The following RHOBTB2 variants were observed in gnomAD, a reference collection of about 807,000 sequenced individuals.
The protein encoded by RHOBTB2 is Rho related BTB domain containing 2.
Under a neutral mutation model 66.5 loss-of-function variants are expected in RHOBTB2, and 39 were observed. The ratio of observed to expected loss-of-function variants is 0.59; its 90% CI spans 0.45 to 0.77. The LOEUF (loss-of-function observed/expected upper bound fraction) is 0.77, where lower values mean the gene tolerates loss of function less well. Ranked by LOEUF, RHOBTB2 falls within the 30% of genes least tolerant of loss-of-function variation. The pLI is 0.00. For missense variants in RHOBTB2, 755 were observed against 999.1 expected (o/e 0.76, Z 3.29); for synonymous variants, 390 against 395.0 (o/e 0.99, Z 0.15).
At chr8:22,998,067 AT>A (rs965998615), upstream of RHOBTB2, among the ~76,000 whole-genome samples, 2 of 152,182 alleles carry the variant, frequency 1.3e-5, no homozygotes, top group African/African-American at 4.8e-5. Flanking sequence ...CTCTGAGTAG[AT>A]TGAGAAAGGG....
chr8:22,990,673 T>C lies in RHOBTB2; in HGVS notation c.-136-1395T>C, dbSNP rs148080130. Reference sequence around the variant, plus strand: ...CCTAGAGTGAATGTTTCCAGGCAAGTGGTAAGCCACAGACAACCAGAAGGT... The same window carrying C: ...CCTAGAGTGAATGTTTCCAGGCAAGCGGTAAGCCACAGACAACCAGAAGGT... On this transcript the variant is annotated intron_variant, in intron 1 of 11. Coordinates refer to the RHOBTB2 transcript ENST00000519685. 2.2e-4 allele frequency among the ~76,000 whole-genome samples: 34 copies of C among 152,136 alleles called. 1 individual carries two copies. The East Asian group carries it at 6.4e-3, about 29-fold the overall frequency.
the RHOBTB2 span, among the ~76,000 whole-genome samples, chr8:22,977,665 C>A: frequency 6.6e-6 from 1 of 151,456 alleles, no homozygotes; most frequent in African/African-American, 2.4e-5. Flanking sequence ...CTGGTTAATT[C>A]CATCATGGTA....
upstream of RHOBTB2, chr8:22,994,780 T>C (rs894446357): frequency 3.0e-6 from 2 of 660,916 alleles, no homozygotes; most frequent in Non-Finnish European, 5.3e-6. Flanking sequence ...ACCTTTCTTT[T>C]TGAGACAGAG....
chr8:22,960,708 A>G, the RHOBTB2 span, among the ~76,000 whole-genome samples: 1 of 152,186 alleles, frequency 6.6e-6, no homozygotes, highest in African/African-American at 2.4e-5. Context: ...AATCAATAAA[A>G]CTTTGTGATT....
At chr8:22,955,861 T>C in the RHOBTB2 span, among the ~76,000 whole-genome samples, 4 of 152,156 alleles carry the variant, frequency 2.6e-5, no homozygotes, top group Non-Finnish European at 5.9e-5. Flanking sequence ...TGAGCCACTG[T>C]ACCCAGACAC....
the RHOBTB2 span, among the ~76,000 whole-genome samples, chr8:22,970,779 C>A: frequency 6.6e-6 from 1 of 151,966 alleles, no homozygotes; most frequent in Admixed American, 6.6e-5. Context: ...TTTTAAAAAC[C>A]CATCAGTCTC....
the RHOBTB2 span, among the ~76,000 whole-genome samples, chr8:22,965,161 C>T: frequency 3.3e-5 from 5 of 152,088 alleles, no homozygotes; most frequent in African/African-American, 9.7e-5. Flanking sequence ...AATTTGAATC[C>T]ATATTTATTG....
the RHOBTB2 span, among the ~76,000 whole-genome samples, chr8:22,950,919 T>C: frequency 2.0e-5 from 3 of 152,218 alleles, no homozygotes; most frequent in Non-Finnish European, 4.4e-5. Flanking sequence ...CTTTTCCTAT[T>C]GGCACAACTG....
the RHOBTB2 span, among the ~76,000 whole-genome samples, chr8:22,971,977 T>G: frequency 3.3e-5 from 5 of 152,238 alleles, no homozygotes; most frequent in African/African-American, 1.2e-4. Context: ...TGGATGTGTC[T>G]CAGGCCCCTT....
the RHOBTB2 span, among the ~76,000 whole-genome samples, chr8:22,980,291 CAGA>C: frequency 6.6e-6 from 1 of 152,110 alleles, no homozygotes; most frequent in African/African-American, 2.4e-5. Context: ...TCCTACTAAG[CAGA>C]AGGAGTATTA....
the RHOBTB2 span, among the ~76,000 whole-genome samples, chr8:22,960,557 G>A: frequency 6.6e-6 from 1 of 152,114 alleles, no homozygotes. Flanking sequence ...GACCTCAAAT[G>A]ATCCACTCAC....
the RHOBTB2 span, among the ~76,000 whole-genome samples, chr8:22,960,167 A>G: frequency 4.8e-4 from 72 of 149,754 alleles, no homozygotes; most frequent in African/African-American, 1.7e-3. Flanking sequence ...TGGGCGACAG[A>G]GTGAGACTCC....
the RHOBTB2 span, among the ~76,000 whole-genome samples, chr8:22,964,386 T>C: frequency 6.6e-6 from 1 of 152,302 alleles, no homozygotes; most frequent in East Asian, 1.9e-4. Context: ...GCAGACCATG[T>C]TCTGTGGGGC....
At position 23,019,895 on chromosome 8, in the gene RHOBTB2, G is replaced by A. The variant is rs1811445802; in HGVS notation, c.*2426G>A. 2 of 210,074 alleles carry A rather than the reference G, an allele frequency of 9.5e-6. No individual in the cohort carries two copies. The highest frequency in any genetic ancestry group is 1.1e-4 in the Admixed American group (2 of 18,912). 13.0% of individuals were successfully genotyped at this position (210,074 alleles called of 1,614,324 possible). On this transcript the variant is annotated 3_prime_UTR_variant, in exon 10 of 10. Transcript: ENST00000251822. ...CAACATTGGTGTCCCTGTCCCCAGAGGGAGGAGCAGGCAGGAGAGAGAGGG... is the reference window on the plus strand; with the variant it reads ...CAACATTGGTGTCCCTGTCCCCAGAAGGAGGAGCAGGCAGGAGAGAGAGGG...
At chr8:22,981,271 G>T in the RHOBTB2 span, among the ~76,000 whole-genome samples, 1 of 152,206 alleles carries the variant, frequency 6.6e-6, no homozygotes, top group African/African-American at 2.4e-5. Context: ...CAACCACCCA[G>T]TAAAAGTGAA....
chr8:22,975,847 C>T, the RHOBTB2 span, among the ~76,000 whole-genome samples: 1 of 152,050 alleles, frequency 6.6e-6, no homozygotes, highest in Non-Finnish European at 1.5e-5. Flanking sequence ...CTAGATCTCT[C>T]TCTCTAAAGA....
chr8:22,967,366 T>C, the RHOBTB2 span, among the ~76,000 whole-genome samples: 2 of 152,108 alleles, frequency 1.3e-5, no homozygotes, highest in Non-Finnish European at 2.9e-5. Context: ...CCCAGCACTT[T>C]GGGAGGCTGA....
the RHOBTB2 span, among the ~76,000 whole-genome samples, chr8:22,982,391 G>A: frequency 6.6e-6 from 1 of 152,276 alleles, no homozygotes; most frequent in South Asian, 2.1e-4. Context: ...GGAGGCCGAG[G>A]TCGGTGGATC....
chr8:23,006,673 A>C lies in RHOBTB2; in HGVS notation c.483-55A>C, dbSNP rs1810959140. 1 of 1,522,102 alleles carries C rather than the reference A, an allele frequency of 6.6e-7. No individual in the cohort carries two copies. Among genetic ancestry groups the C allele is most frequent in the South Asian group, 1.2e-5 (1 of 80,798 alleles). 94.3% of individuals were successfully genotyped at this position (1,522,102 alleles called of 1,614,324 possible). A position where few individuals can be genotyped will look rare whatever the true frequency, so the allele number is the denominator to read the frequency against. ...GAGTCCCTCCAGCCTGTGGAAGAAC[A>C]GGCAGCCTCCCTCCACCACCAACAC... On this transcript the variant is annotated intron_variant, in intron 4 of 9. Coordinates refer to ENST00000251822, the MANE Select transcript of RHOBTB2 (RefSeq NM_015178.3). This position sits in a 1 kb window ranked among gnomAD's most constrained non-coding sequence, Gnocchi z 6.1.
Sources: allele counts gnomAD v4.1 joint callset (sites outside exome capture counted in the v4.1 genomes callset), GRCh38; gene constraint gnomAD v4.1.1; non-coding constraint Gnocchi (gnomAD v3.1); transcripts MANE v1.5; gene names NCBI Gene and HGNC (gene_info 2026-07-23, HGNC 2026-07-21).